ADGRA2: variants seen among roughly 807,000 people sequenced by gnomAD.
ADGRA2 encodes G-protein coupled receptor 124.
ADGRA2 carries 61 observed loss-of-function variants against 98.7 expected under a neutral mutation model. The observed-to-expected ratio is 0.62, with a 90% CI of 0.50 to 0.76. The LOEUF (loss-of-function observed/expected upper bound fraction) is 0.76, where lower values mean the gene tolerates loss of function less well. Ranked by LOEUF, ADGRA2 falls within the 30% of genes least tolerant of loss-of-function variation. The pLI, the probability that ADGRA2 is intolerant of heterozygous loss-of-function variation, is 0.00. For missense variants in ADGRA2, 1,712 were observed against 1,860.0 expected, an observed-to-expected ratio of 0.92 and a Z score of 1.46; for synonymous variants, 858 against 831.5, an observed-to-expected ratio of 1.03 and a Z score of -0.55.
intron 2 of ADGRA2, among the ~76,000 whole-genome samples, chr8:37,821,472 T>A (rs1236178186): frequency 1.3e-5 from 2 of 152,174 alleles, no homozygotes; most frequent in African/African-American, 4.8e-5. Flanking sequence ...ATGCTCCAAG[T>A]ACAGCTGGTG....
chr8:37,842,523 GGTAGCGA>G lies in ADGRA2; in HGVS notation c.*169_*175del. ...ACTTGCCTAGAGGGCATCCCTCTGG[GGTAGCGA>G]CAGACAATCCCAGAAACACGCATAA... On this transcript the variant is annotated 3_prime_UTR_variant, in exon 19 of 19. Transcript: ENST00000412232. The G allele has an allele frequency of 8.7e-7, 1 of 1,153,302 alleles. No individual in the cohort carries two copies. The highest frequency in any genetic ancestry group is 1.6e-5 in the African/African-American group (1 of 61,484). 71.4% of individuals were successfully genotyped at this position (1,153,302 alleles called of 1,614,324 possible).
intron 1 of ADGRA2, among the ~76,000 whole-genome samples, chr8:37,812,551 C>T (rs946307646): frequency 1.3e-5 from 2 of 152,132 alleles, no homozygotes; most frequent in East Asian, 1.9e-4. Flanking sequence ...GGCGTGAGCC[C>T]GGGAGGCAGA....
chr8:37,804,839 C>G (rs1212540367), intron 1 of ADGRA2, among the ~76,000 whole-genome samples: 1 of 152,234 alleles, frequency 6.6e-6, no homozygotes, highest in African/African-American at 2.4e-5. Context: ...CTCCCCCGAC[C>G]CCATAATGGC....
chr8:37,816,934 AC>A (rs1437253394), intron 2 of ADGRA2, among the ~76,000 whole-genome samples: 2 of 65,706 alleles, frequency 3.0e-5, no homozygotes, highest in African/African-American at 1.8e-4. Flanking sequence ...CAAAACACAC[AC>A]ACACACACAC....
chr8:37,799,670 G>T (rs1488040956), intron 1 of ADGRA2, among the ~76,000 whole-genome samples: 1 of 152,112 alleles, frequency 6.6e-6, no homozygotes, highest in Non-Finnish European at 1.5e-5. Flanking sequence ...CAGCAAAGGT[G>T]ACCCCTAGCT....
At chr8:37,838,877 G>A in intron 14 of ADGRA2, 79 bp from the exon 15 acceptor site, 2 of 1,486,338 alleles carry the variant, frequency 1.3e-6, no homozygotes, top group African/African-American at 1.4e-5. Flanking sequence ...GGCTGACGGG[G>A]CCTGGGAAGA....
intron 2 of ADGRA2, among the ~76,000 whole-genome samples, chr8:37,826,622 C>T (rs542530179): frequency 2.6e-5 from 4 of 152,246 alleles, no homozygotes; most frequent in South Asian, 2.1e-4. Flanking sequence ...CTCCCCTGGC[C>T]GTGGGAAGGG....
At position 37,842,349 on chromosome 8, in the gene ADGRA2, C is replaced by CGTCTAAGG. The variant is rs766598232; in HGVS notation, c.4012_*2dup. 21 of 1,479,860 alleles carry CGTCTAAGG rather than the reference C, an allele frequency of 1.4e-5. No individual in the cohort carries two copies. The highest frequency in any genetic ancestry group is 1.8e-5 in the Non-Finnish European group (20 of 1,118,542). 91.7% of individuals were successfully genotyped at this position (1,479,860 alleles called of 1,614,324 possible). On this transcript the variant is annotated stop_gained and frameshift_variant, in exon 19 of 19. Coordinates refer to ENST00000412232, the MANE Select transcript of ADGRA2 (RefSeq NM_032777.10). LOFTEE classifies it high-confidence loss of function. ...CCGGACTCTGGAAGAGCGAAACTAC[C>CGTCTAAGG]GTCTAAGGTGGGGCGGGCGACGCGG...
chr8:37,837,028 C>G (rs1476544941), intron 13 of ADGRA2, among the ~76,000 whole-genome samples: 1 of 152,336 alleles, frequency 6.6e-6, no homozygotes, highest in African/African-American at 2.4e-5. Context: ...AGGCAGTGGA[C>G]AAGTCGTTGT....
At chr8:37,832,040 T>C (rs1805470230) in intron 8 of ADGRA2, among the ~76,000 whole-genome samples, 1 of 151,914 alleles carries the variant, frequency 6.6e-6, no homozygotes, top group South Asian at 2.1e-4. Flanking sequence ...AGCCTCAGCC[T>C]AGGAGACAAG....
rs370008167 is a variant in ADGRA2, at chr8:37,806,490, ATTTTCT to A, written c.267-8383_267-8378del. On this transcript the variant is annotated intron_variant, in intron 1 of 18. Transcript: ENST00000412232. ...ACAATGTGACCCCTATGGGTGTGGC[ATTTTCT>A]TTTTCTTTTTCTTTTTCTTTTTTCT... Among the ~76,000 whole-genome samples, 208 of 118,480 alleles carry A rather than the reference ATTTTCT, an allele frequency of 1.8e-3. 1 individual carries two copies. The highest frequency in any genetic ancestry group is 7.2e-3 in the South Asian group (28 of 3,876). 77.7% of individuals were successfully genotyped at this position (118,480 alleles called of 152,430 possible).
At chr8:37,828,984 C>T (rs367794199) in intron 3 of ADGRA2, 25 bp downstream of exon 3, 10 of 1,496,434 alleles carry the variant, frequency 6.7e-6, no homozygotes, top group Middle Eastern at 2.1e-4. Context: ...CTCCCCTGAC[C>T]CCACCCCTCC....
Position 37,840,116 on chromosome 8 carries a change from C to T in ADGRA2, c.2512-5C>T, listed in dbSNP as rs761652656. 4.4e-6 allele frequency: 7 copies of T among 1,583,954 alleles called. No individual in the cohort carries two copies. The highest frequency in any genetic ancestry group is 2.7e-5 in the African/African-American group (2 of 74,508). On this transcript the variant is annotated splice_region_variant and splice_polypyrimidine_tract_variant and intron_variant, in intron 16 of 18. Transcript: ENST00000412232. ...GTCCCCAGCCTCCGTGCCTTGACCC[C>T]GCAGGTGGGCATCACCCTGCACTAC...
At position 37,842,001 on chromosome 8, in the gene ADGRA2, T is replaced by G. The variant is rs1805816405; in HGVS notation, c.3663T>G (p.Ser1221Arg). The G allele has an allele frequency of 2.0e-6, 3 of 1,514,756 alleles. No homozygotes were observed. In the East Asian group the frequency reaches 7.7e-5, roughly 39 times the overall value. 93.8% of individuals were successfully genotyped at this position (1,514,756 alleles called of 1,614,324 possible). The change falls in exon 19 of 19, where the codon AGT becomes AGG. Residue 1221 changes from serine (S) to arginine (R), a missense_variant. By Grantham distance (110) the Ser-to-Arg change is moderately radical. Coordinates refer to ENST00000412232, the MANE Select transcript of ADGRA2 (RefSeq NM_032777.10). The stretch of plus-strand genomic sequence containing the variant: ...AGCTGCTGTCCAGCGAGAGCGGCAG[T>G]CTGCACAACAGCCCCACCGACAGCT... Reference protein sequence around the residue: ...ALELLSSESGSLHNSPTDSYL... With the variant: ...ALELLSSESGRLHNSPTDSYL...
chr8:37,814,962 G>C lies in ADGRA2; in HGVS notation c.333G>C (p.Glu111Asp). 1 of 1,609,008 alleles carries C rather than the reference G, an allele frequency of 6.2e-7. No individual in the cohort carries two copies. The highest frequency in any genetic ancestry group is 1.1e-5 in the South Asian group (1 of 91,002). ...CCTTCCTGGGACTGTCACTGCTGGA[G>C]AAGCTGTAAGTGCTGGGGAAGGTGA... ...NGSFLGLSLL[E>D]KLDLRNNIIS... The change falls in exon 2 of 19, where the codon GAG becomes GAC. Residue 111 changes from glutamate (E) to aspartate (D), a missense_variant. Transcript: ENST00000412232. The surrounding 1 kb of genome is among the most constrained non-coding windows in gnomAD (Gnocchi z 4.3).
intron 1 of ADGRA2, among the ~76,000 whole-genome samples, chr8:37,805,023 G>A (rs1804620012): frequency 6.6e-6 from 1 of 152,174 alleles, no homozygotes; most frequent in African/African-American, 2.4e-5. Flanking sequence ...GACCCCTATG[G>A]GTGTGGCATC....
intron 2 of ADGRA2, among the ~76,000 whole-genome samples, chr8:37,818,294 C>G (rs1296086847): frequency 1.3e-5 from 2 of 152,234 alleles, no homozygotes; most frequent in African/African-American, 2.4e-5. Flanking sequence ...TGAGAAGGTA[C>G]TGCACAGAGC....
Position 37,841,503 on chromosome 8 carries a change from G to T in ADGRA2, c.3165G>T (p.Gly1055=). 6.2e-7 allele frequency: 1 copy of T among 1,612,964 alleles called. No homozygotes were observed. Among genetic ancestry groups the T allele is most frequent in the Non-Finnish European group, 8.5e-7 (1 of 1,179,864 alleles). The change falls in exon 19 of 19, where the codon GGG becomes GGT. Residue 1055 remains glycine (G), a synonymous_variant. Transcript: ENST00000412232. This position sits in a 1 kb window ranked among gnomAD's most constrained non-coding sequence, Gnocchi z 5.0. The part of the protein sequence containing the change: ...LPRVVCSCLY[G]VAASALGLFV... ...GGGTGGTGTGCAGCTGCTTGTACGG[G>T]GTGGCAGCCTCCGCCCTGGGCCTCT... is the stretch of plus-strand genomic sequence containing the variant.
rs551438052 is a variant in ADGRA2 at position 37,802,892 on chromosome 8, G to A, written c.266+5358G>A. On this transcript the variant is annotated intron_variant, in intron 1 of 18. Coordinates refer to ENST00000412232, the MANE Select transcript of ADGRA2 (RefSeq NM_032777.10). The surrounding 1 kb of genome is among the most constrained non-coding windows in gnomAD (Gnocchi z 4.7). ...CTCCTAAGGGGGCACTTGTGACTCCGCCCCCAGTGGGTCCAAGATCCCAAA... is the reference window on the plus strand; with the variant it reads ...CTCCTAAGGGGGCACTTGTGACTCCACCCCCAGTGGGTCCAAGATCCCAAA... 6.6e-6 allele frequency among the ~76,000 whole-genome samples: 1 copy of A among 152,268 alleles called. No homozygotes were observed. The highest frequency in any genetic ancestry group is 2.1e-4 in the South Asian group (1 of 4,824).
Sources: allele counts gnomAD v4.1 joint callset (sites outside exome capture counted in the v4.1 genomes callset), GRCh38; gene constraint gnomAD v4.1.1; non-coding constraint Gnocchi (gnomAD v3.1); transcripts MANE v1.5; gene names NCBI Gene and HGNC (gene_info 2026-07-23, HGNC 2026-07-21).